MUC15: variants seen among roughly 807,000 people sequenced by gnomAD.
MUC15 encodes the protein mucin 15, cell surface associated, also known as mucin-15.
Under a neutral mutation model 24.0 loss-of-function variants are expected in MUC15, and 23 were observed. The observed-to-expected ratio is 0.96, with a 90% CI of 0.69 to 1.36. MUC15 has a LOEUF of 1.36. MUC15 is among the 40% of genes most tolerant of loss of function. The pLI is 0.00. For synonymous variants in MUC15, 151 were observed against 156.3 expected (o/e 0.97, Z 0.25); for missense variants, 442 against 428.2 (o/e 1.03, Z -0.29).
At position 26,563,269 on chromosome 11, in the gene MUC15, C is replaced by T; in HGVS notation, c.776-4G>A. 2 of 1,583,186 alleles carry T rather than the reference C, an allele frequency of 1.3e-6. No homozygotes were observed. The highest frequency in any genetic ancestry group is 1.7e-6 in the Non-Finnish European group (2 of 1,169,136). ...ACTATTCCTGTATTTCTATTTTCTA[C>T]AGGACAAAAAAAATTTAAAGAAATA... is the stretch of plus-strand genomic sequence containing the variant. On this transcript the variant is annotated splice_polypyrimidine_tract_variant and splice_region_variant and intron_variant, in intron 3 of 4. Coordinates refer to ENST00000529533, the MANE Select transcript of MUC15 (RefSeq NM_001135091.2).
In MUC15 at chr11:26,562,308, G is replaced by T. The variant is rs1343225460; in HGVS notation, c.925+808C>A. Among the ~76,000 whole-genome samples the T allele has an allele frequency of 2.6e-5, 4 of 151,774 alleles. No individual in the cohort carries two copies. In the South Asian group the frequency reaches 8.3e-4, roughly 32 times the overall value. The stretch of plus-strand genomic sequence containing the variant: ...GGTTCTGAATATGAGAAATATATCA[G>T]TTATATCTGAACTCATCAAAACTCA... On this transcript the variant is annotated intron_variant, in intron 4 of 4. Coordinates refer to ENST00000529533, the MANE Select transcript of MUC15 (RefSeq NM_001135091.2).
chr11:26,567,832 G>A (rs928110008), intron 1 of MUC15, among the ~76,000 whole-genome samples: 4 of 151,930 alleles, frequency 2.6e-5, no homozygotes, highest in African/African-American at 7.2e-5. Context: ...AAAATTGACA[G>A]GCTAGAGCTG....
Position 26,572,021 on chromosome 11 carries a change from G to A in MUC15, c.-46+20C>T. ...GAAAGAGAGAAAGCGAGAGACCTAA[G>A]TGACCCAACGCACACTTACCTTCAG... On this transcript the variant is annotated intron_variant, in intron 1 of 4. Coordinates refer to ENST00000529533, the MANE Select transcript of MUC15 (RefSeq NM_001135091.2). 1.1e-6 allele frequency: 1 copy of A among 927,724 alleles called. No homozygotes were observed. Among genetic ancestry groups the A allele is most frequent in the Non-Finnish European group, 1.3e-6 (1 of 777,350 alleles). The allele number at this position is 927,724 out of a possible 1,614,324, so 57.5% of individuals were successfully genotyped here.
chr11:26,564,466 C>A (rs1850436449), intron 3 of MUC15, among the ~76,000 whole-genome samples: 1 of 149,262 alleles, frequency 6.7e-6, no homozygotes, highest in African/African-American at 2.5e-5. Flanking sequence ...TACATTAGAC[C>A]TCAAAAAACA....
At chr11:26,569,089 G>T (rs964820866) in intron 1 of MUC15, among the ~76,000 whole-genome samples, 1 of 151,772 alleles carries the variant, frequency 6.6e-6, no homozygotes, top group Non-Finnish European at 1.5e-5. Flanking sequence ...TTCATTACCT[G>T]CCTGTAATGA....
chr11:26,561,337 A>T (rs1850283835), intron 4 of MUC15, 112 bp from the exon 5 acceptor site: 1 of 743,700 alleles, frequency 1.3e-6, no homozygotes, highest in African/African-American at 1.9e-5. Flanking sequence ...ATATATTTTT[A>T]TATGGGCTTT....
intron 4 of MUC15, 26 bp from the exon 5 acceptor site, chr11:26,561,251 T>C (rs778966166): frequency 2.2e-4 from 339 of 1,556,590 alleles, no homozygotes; most frequent in Non-Finnish European, 2.8e-4. Context: ...AATAATACTG[T>C]TTCACAGTGA....
intron 3 of MUC15, among the ~76,000 whole-genome samples, chr11:26,564,720 CACACACACACACATATATATATATAT>C (rs1256839881): frequency 3.2e-4 from 24 of 75,614 alleles, no homozygotes; most frequent in Non-Finnish European, 5.0e-4. Flanking sequence ...CACACACACA[CACACACACACACATATATATATATAT>C]ATATATATAT....
At chr11:26,564,242 T>C (rs1056485867) in intron 3 of MUC15, among the ~76,000 whole-genome samples, 1 of 151,672 alleles carries the variant, frequency 6.6e-6, no homozygotes. Context: ...AAAATCATAG[T>C]TAAATGTACA....
Position 26,565,765 on chromosome 11 carries a change from T to C in MUC15, c.175A>G (p.Thr59Ala), listed in dbSNP as rs752109439. Residue 59 changes from threonine (T) to alanine (A), a missense_variant, in exon 3 of 5, where the codon ACA (threonine) becomes GCA (alanine). Coordinates refer to ENST00000529533, the MANE Select transcript of MUC15 (RefSeq NM_001135091.2). ...HGKENQDINT[T>A]QNIAEVFKTM... The stretch of plus-strand genomic sequence containing the variant: ...TTAAAAACTTCTGCAATGTTCTGTG[T>C]TGTGTTTATGTCTTGATTTTCTTTT... 1.9e-6 allele frequency: 3 copies of C among 1,613,284 alleles called. No homozygotes were observed. In the African/African-American group the frequency reaches 4.0e-5, roughly 22 times the overall value.
intron 3 of MUC15, among the ~76,000 whole-genome samples, chr11:26,564,770 TA>T (rs1850493316): frequency 9.6e-6 from 1 of 104,484 alleles, no homozygotes. Flanking sequence ...TATATATATA[TA>T]TATATATATA....
At chr11:26,564,376 A>G (rs1247047463) in intron 3 of MUC15, among the ~76,000 whole-genome samples, 1 of 151,578 alleles carries the variant, frequency 6.6e-6, no homozygotes, top group African/African-American at 2.4e-5. Flanking sequence ...TACATTACTA[A>G]TATAATCCTT....
chr11:26,559,906 G>T lies in MUC15; in HGVS notation c.*1159C>A, dbSNP rs1850219960. 1.4e-6 allele frequency: 1 copy of T among 707,224 alleles called. No homozygotes were observed. Among genetic ancestry groups the T allele is most frequent in the South Asian group, 2.0e-5 (1 of 50,110 alleles). The allele number at this position is 707,224 out of a possible 1,614,324, so 43.8% of individuals were successfully genotyped here. On this transcript the variant is annotated 3_prime_UTR_variant, in exon 5 of 5. Coordinates refer to ENST00000529533, the MANE Select transcript of MUC15 (RefSeq NM_001135091.2). ...ATCAATTCAAAAATAAAGCCTCTAG[G>T]TTGGTACTTGATTTGTTTGCTCTCT...
At chr11:26,567,243 A>G (rs1850625022) in intron 1 of MUC15, 104 bp from the exon 2 acceptor site, 1 of 727,248 alleles carries the variant, frequency 1.4e-6, no homozygotes, top group Non-Finnish European at 2.0e-6. Flanking sequence ...CTTTAAAAAA[A>G]TAGACTTTTT....
rs551978683 is a variant in MUC15 at position 26,565,170 on chromosome 11, T to G, written c.770A>C (p.Gln257Pro). Residue 257 changes from glutamine (Q) to proline (P), a missense_variant, in exon 3 of 5, where the codon CAA (glutamine) becomes CCA (proline). By Grantham distance (76) the Gln-to-Pro change is moderately conservative (BLOSUM62 -1). Transcript: ENST00000529533. The part of the protein sequence containing the change: ...SKLFPNTSDP[Q>P]KENRNTGIVF... ...TTAAAATCATTTATATTTACCTTTTTGGGGATCTGACGTATTTGGAAAGAG... is the reference window on the plus strand; with the variant it reads ...TTAAAATCATTTATATTTACCTTTTGGGGGATCTGACGTATTTGGAAAGAG... The G allele has an allele frequency of 2.7e-6, 4 of 1,499,994 alleles. No homozygotes were observed. Among genetic ancestry groups the G allele is most frequent in the South Asian group, 1.4e-5 (1 of 71,024 alleles). 92.9% of individuals were successfully genotyped at this position (1,499,994 alleles called of 1,614,324 possible). A position where few individuals can be genotyped will look rare whatever the true frequency, so the allele number is the denominator to read the frequency against.
At chr11:26,569,168 A>T (rs1850719626) in intron 1 of MUC15, among the ~76,000 whole-genome samples, 1 of 152,052 alleles carries the variant, frequency 6.6e-6, no homozygotes, top group Non-Finnish European at 1.5e-5. Context: ...GTGACATTGA[A>T]CCACCAAGGG....
chr11:26,559,628 GA>G lies in MUC15; in HGVS notation c.*1436del, dbSNP rs1428685413. 1 of 872,286 alleles carries G rather than the reference GA, an allele frequency of 1.1e-6. No homozygotes were observed. The highest frequency in any genetic ancestry group is 1.9e-6 in the Non-Finnish European group (1 of 518,618). 54.0% of individuals were successfully genotyped at this position (872,286 alleles called of 1,614,324 possible). On this transcript the variant is annotated 3_prime_UTR_variant, in exon 5 of 5. Transcript: ENST00000529533. ...TATAAAATAATATGATTCTATTTGA[GA>G]AAAAATCATAGTACCTGAGTGCAAA...
rs775618865 is a variant in MUC15 at position 26,561,168 on chromosome 11, T to C, written c.983A>G (p.Tyr328Cys). The C allele has an allele frequency of 6.2e-7, 1 of 1,612,684 alleles. No individual in the cohort carries two copies. Among genetic ancestry groups the C allele is most frequent in the Non-Finnish European group, 8.5e-7 (1 of 1,179,194 alleles). ...TGAATCATTCAAAGTTGGATTGTAG[T>C]AGCTAGAATTCCCAAAACTCACATC... ...PYDVSFGNSS[Y>C]YNPTLNDSAM... is the part of the protein sequence containing the mutation. Residue 328 changes from tyrosine (Y) to cysteine (C), a missense_variant, in exon 5 of 5, where the codon TAC (tyrosine) becomes TGC (cysteine). Coordinates refer to ENST00000529533, the MANE Select transcript of MUC15 (RefSeq NM_001135091.2).
Position 26,565,482 on chromosome 11 carries a change from A to G in MUC15, c.458T>C (p.Ile153Thr), listed in dbSNP as rs1850533988. 2.5e-6 allele frequency: 4 copies of G among 1,613,322 alleles called. No individual in the cohort carries two copies. In the South Asian group the frequency reaches 4.4e-5, roughly 18 times the overall value. The change falls in exon 3 of 5, where the codon ATA becomes ACA. Residue 153 changes from isoleucine to threonine, a missense_variant. Transcript: ENST00000529533. ...GATGGGCAAAAGATCTTCATCTGCT[A>G]TAGGTGCATTCCAAGGCACTTTAGA... ...FVSKVPWNAPIADEDLLPISA... is the reference protein window; with the variant it reads ...FVSKVPWNAPTADEDLLPISA...
Sources: allele counts gnomAD v4.1 joint callset (sites outside exome capture counted in the v4.1 genomes callset), GRCh38; gene constraint gnomAD v4.1.1; transcripts MANE v1.5; gene names NCBI Gene and HGNC (gene_info 2026-07-23, HGNC 2026-07-21).